The following CHST3 variants were observed in gnomAD, a reference collection of about 807,000 sequenced individuals.
CHST3 encodes the protein C6ST-1.
In CHST3, 20 loss-of-function variants were observed where a neutral mutation model predicts 35.4. That is an observed-to-expected ratio of 0.57 (90% CI 0.40 to 0.82). The LOEUF (loss-of-function observed/expected upper bound fraction) is 0.82. Ranked by LOEUF, CHST3 falls within the 40% of genes least tolerant of loss-of-function variation. The probability of loss-of-function intolerance (pLI) is 0.00; values close to 1 mark genes in which losing one functional copy is unlikely to be tolerated. For missense variants in CHST3, 693 were observed against 670.1 expected, an observed-to-expected ratio of 1.03 and a Z score of -0.38; for synonymous variants, 334 against 295.9, an observed-to-expected ratio of 1.13 and a Z score of -1.32.
intron 1 of CHST3, among the ~76,000 whole-genome samples, chr10:71,970,235 T>C (rs1839678193): frequency 6.7e-6 from 1 of 148,974 alleles, no homozygotes; most frequent in South Asian, 2.1e-4. Context: ...CTGCCCTCCG[T>C]CCTCTTGATC....
intron 1 of CHST3, among the ~76,000 whole-genome samples, chr10:71,966,663 G>A (rs1421166340): frequency 6.6e-6 from 1 of 152,234 alleles, no homozygotes; most frequent in Admixed American, 6.5e-5. Context: ...GAACCCTGCA[G>A]CCAGTTCCTT....
intron 1 of CHST3, among the ~76,000 whole-genome samples, chr10:71,964,977 A>G (rs572270664): frequency 6.6e-6 from 1 of 152,212 alleles, no homozygotes; most frequent in Non-Finnish European, 1.5e-5. Flanking sequence ...GGCCAGGCAC[A>G]TGCCACACAC....
intron 1 of CHST3, among the ~76,000 whole-genome samples, chr10:71,996,671 G>A (rs866058773): frequency 6.6e-6 from 1 of 152,182 alleles, no homozygotes; most frequent in South Asian, 2.1e-4. Flanking sequence ...TGGTTCTGGG[G>A]GAAGAAGGCC....
At chr10:71,975,643 T>C (rs774057758) in intron 1 of CHST3, among the ~76,000 whole-genome samples, 1 of 152,240 alleles carries the variant, frequency 6.6e-6, no homozygotes, top group East Asian at 1.9e-4. Flanking sequence ...GCACGGGGGC[T>C]CAGGGGGCGC....
Position 72,007,988 on chromosome 10 carries a change from G to A in CHST3, c.957G>A (p.Lys319=). ...TGGTGGCCTTCGCCGGCAAGTATAA[G>A]ACCTGGAAGAAGTGGCTGGACGACG... ...SRMVAFAGKY[K]TWKKWLDDEG... The change falls in exon 3 of 3, where the codon AAG becomes AAA. Residue 319 remains lysine, a synonymous_variant. Coordinates refer to ENST00000373115, the MANE Select transcript of CHST3 (RefSeq NM_004273.5). 6.5e-7 allele frequency: 1 copy of A among 1,549,562 alleles called. No individual in the cohort carries two copies. The highest frequency in any genetic ancestry group is 1.4e-5 in the African/African-American group (1 of 73,144).
At chr10:71,979,506 C>T (rs1486337112) in intron 1 of CHST3, among the ~76,000 whole-genome samples, 1 of 151,638 alleles carries the variant, frequency 6.6e-6, no homozygotes, top group African/African-American at 2.4e-5. Context: ...TTGGGCTCGG[C>T]CTTAAGGGAT....
intron 1 of CHST3, among the ~76,000 whole-genome samples, chr10:72,005,094 C>T (rs1489006809): frequency 6.6e-6 from 1 of 152,172 alleles, no homozygotes; most frequent in Non-Finnish European, 1.5e-5. Context: ...CACTGCACTC[C>T]AGCCTGGGCA....
In CHST3 at chr10:72,008,770, A is replaced by C; in HGVS notation, c.*299A>C. ...CGATCTCACACACACAGAAACATACATTCGTGCCTGGAGACCCTGCAGGCC... is the reference window on the plus strand; with the variant it reads ...CGATCTCACACACACAGAAACATACCTTCGTGCCTGGAGACCCTGCAGGCC... On this transcript the variant is annotated 3_prime_UTR_variant, in exon 3 of 3. Coordinates refer to ENST00000373115, the MANE Select transcript of CHST3 (RefSeq NM_004273.5). 28 of 317,926 alleles carry C rather than the reference A, an allele frequency of 8.8e-5. No individual in the cohort carries two copies. Among genetic ancestry groups the C allele is most frequent in the Admixed American group, 1.4e-4 (3 of 22,146 alleles). 19.7% of individuals were successfully genotyped at this position (317,926 alleles called of 1,614,324 possible).
At chr10:71,984,115 C>T (rs1839825109) in intron 1 of CHST3, among the ~76,000 whole-genome samples, 1 of 152,204 alleles carries the variant, frequency 6.6e-6, no homozygotes, top group African/African-American at 2.4e-5. Flanking sequence ...CTCCGCCTCC[C>T]AGGTTCAAGC....
intron 1 of CHST3, among the ~76,000 whole-genome samples, chr10:71,970,682 C>T (rs1195812181): frequency 2.0e-5 from 3 of 152,160 alleles, no homozygotes; most frequent in Admixed American, 2.0e-4. Flanking sequence ...TGGACCCTCC[C>T]CAGCAGGCAG....
chr10:71,975,746 T>G (rs1839738958), intron 1 of CHST3, among the ~76,000 whole-genome samples: 1 of 152,240 alleles, frequency 6.6e-6, no homozygotes, highest in Admixed American at 6.5e-5. Context: ...TGGGCGCAGA[T>G]GCCAGCCTTT....
chr10:72,000,262 G>A (rs1839980697), intron 1 of CHST3, among the ~76,000 whole-genome samples: 1 of 152,196 alleles, frequency 6.6e-6, no homozygotes, highest in Non-Finnish European at 1.5e-5. Flanking sequence ...AAGTATTTAT[G>A]AAGCACCCAC....
intron 1 of CHST3, among the ~76,000 whole-genome samples, chr10:71,971,094 G>A (rs762966613): frequency 5.3e-5 from 8 of 152,154 alleles, no homozygotes; most frequent in South Asian, 2.1e-4. Context: ...CCAGGCACCC[G>A]GTTAGAAGGG....
rs886047174 is a variant in CHST3 at position 72,010,649 on chromosome 10, G to T, written c.*2178G>T. ...GAACACCCCAACACTCTTGGTTTTA[G>T]AGTCCAAGAGTAAGTTGTGCAGAGA... On this transcript the variant is annotated 3_prime_UTR_variant, in exon 3 of 3. Transcript: ENST00000373115. 1 of 152,134 alleles carries T rather than the reference G, an allele frequency of 6.6e-6. No homozygotes were observed. Among genetic ancestry groups the T allele is most frequent in the Non-Finnish European group, 1.5e-5 (1 of 68,038 alleles). The allele number at this position is 152,134 out of a possible 1,614,324, so 9.4% of individuals were successfully genotyped here. A position where few individuals can be genotyped will look rare whatever the true frequency, so the allele number is the denominator to read the frequency against.
intron 1 of CHST3, among the ~76,000 whole-genome samples, chr10:71,988,878 C>G (rs1488495417): frequency 6.6e-6 from 1 of 152,046 alleles, no homozygotes; most frequent in Admixed American, 6.6e-5. Context: ...AAATGATTTG[C>G]CAGGCCGGGT....
intron 1 of CHST3, among the ~76,000 whole-genome samples, chr10:71,982,327 C>G (rs1839808361): frequency 6.6e-6 from 1 of 152,214 alleles, no homozygotes; most frequent in Non-Finnish European, 1.5e-5. Flanking sequence ...CCATGGAAAG[C>G]AGATAGCCTC....
At chr10:71,965,922 C>T (rs916197518) in intron 1 of CHST3, among the ~76,000 whole-genome samples, 7 of 152,156 alleles carry the variant, frequency 4.6e-5, no homozygotes, top group African/African-American at 1.7e-4. Flanking sequence ...CATCATTGGC[C>T]TCTGCCCCTC....
intron 1 of CHST3, among the ~76,000 whole-genome samples, chr10:71,979,778 TAC>T (rs1341218356): frequency 6.6e-6 from 1 of 152,140 alleles, no homozygotes; most frequent in Non-Finnish European, 1.5e-5. Flanking sequence ...AATGGGTAAA[TAC>T]AGAGAAGAAT....
intron 1 of CHST3, among the ~76,000 whole-genome samples, chr10:71,981,865 T>G (rs1839804296): frequency 6.6e-6 from 1 of 152,226 alleles, no homozygotes; most frequent in Non-Finnish European, 1.5e-5. Flanking sequence ...CAGGCACAGA[T>G]TCCTCCCACC....
Sources: gnomAD v4.1 joint callset for allele counts (sites outside exome capture counted in the v4.1 genomes callset) on GRCh38, gnomAD v4.1.1 for gene constraint, MANE v1.5 for transcripts, NCBI Gene and HGNC (gene_info 2026-07-23, HGNC 2026-07-21) for gene names.